Variants in ERC2 observed in about 807,000 individuals in gnomAD.
ERC2 encodes ERC protein 2.
A neutral mutation model predicts 114.8 loss-of-function variants in ERC2; 42 were observed. That is an observed-to-expected ratio of 0.37 (90% CI 0.29 to 0.47). ERC2 has a LOEUF of 0.47. Ranked by LOEUF, ERC2 falls within the 20% of genes least tolerant of loss-of-function variation. The pLI, the probability that ERC2 is intolerant of heterozygous loss-of-function variation, is 0.99. For synonymous variants in ERC2, 454 were observed against 425.5 expected (o/e 1.07, Z -0.82); for missense variants, 939 against 1,150.7 (o/e 0.82, Z 2.66).
chr3:55,669,010 C>A (rs1018977667), intron 17 of ERC2, among the ~76,000 whole-genome samples: 3 of 152,186 alleles, frequency 2.0e-5, no homozygotes, highest in Non-Finnish European at 4.4e-5. Flanking sequence ...TGTCTTCTTT[C>A]ATTTCTTTTC....
intron 14 of ERC2, among the ~76,000 whole-genome samples, chr3:55,844,691 T>C (rs1280858973): frequency 2.0e-5 from 3 of 152,178 alleles, no homozygotes; most frequent in African/African-American, 7.2e-5. Context: ...ATGCTATATC[T>C]CAATTTAAAA....
intron 3 of ERC2, among the ~76,000 whole-genome samples, chr3:56,292,081 G>A (rs575851377): frequency 5.9e-5 from 9 of 152,138 alleles, no homozygotes; most frequent in African/African-American, 1.7e-4. Flanking sequence ...AGCAAGTCAC[G>A]TAAGTTTGAG....
chr3:55,975,190 TAA>T (rs112414816), intron 12 of ERC2, among the ~76,000 whole-genome samples: 2 of 144,054 alleles, frequency 1.4e-5, no homozygotes, highest in African/African-American at 5.0e-5. Context: ...GGAGTTGCTA[TAA>T]AAAAAAAAAA....
At chr3:56,208,917 G>A (rs76503244) in intron 3 of ERC2, among the ~76,000 whole-genome samples, 1 of 152,118 alleles carries the variant, frequency 6.6e-6, no homozygotes, top group Non-Finnish European at 1.5e-5. Flanking sequence ...AACTCCCTTA[G>A]GAACTCAGGC....
intron 17 of ERC2, among the ~76,000 whole-genome samples, chr3:55,516,540 G>T (rs1242134893): frequency 6.6e-6 from 1 of 152,020 alleles, no homozygotes; most frequent in East Asian, 1.9e-4. Context: ...AAGGGCTGGG[G>T]GCTGGGATGG....
At chr3:55,990,388 T>G in intron 11 of ERC2, among the ~76,000 whole-genome samples, 1 of 152,316 alleles carries the variant, frequency 6.6e-6, no homozygotes. Flanking sequence ...TGTTGAAATT[T>G]TATTGGAAAT....
At chr3:56,396,767 G>A (rs1235793974) in intron 2 of ERC2, among the ~76,000 whole-genome samples, 1 of 151,798 alleles carries the variant, frequency 6.6e-6, no homozygotes, top group African/African-American at 2.4e-5. Flanking sequence ...TTTTTCAAAG[G>A]AGAACGGTCC....
intron 15 of ERC2, among the ~76,000 whole-genome samples, chr3:55,711,076 G>A (rs367960767): frequency 2.6e-5 from 4 of 152,270 alleles, no homozygotes; most frequent in Middle Eastern, 3.4e-3. Flanking sequence ...TTGGTTTTGC[G>A]TTCCAAAGTA....
At chr3:56,385,298 C>G (rs2106772812) in intron 2 of ERC2, among the ~76,000 whole-genome samples, 1 of 152,194 alleles carries the variant, frequency 6.6e-6, no homozygotes, top group Non-Finnish European at 1.5e-5. Flanking sequence ...TAGAAGAGGC[C>G]AAGCAGCAAT....
intron 14 of ERC2, among the ~76,000 whole-genome samples, chr3:55,820,543 G>A (rs2060083082): frequency 6.6e-6 from 1 of 152,130 alleles, no homozygotes; most frequent in Non-Finnish European, 1.5e-5. Flanking sequence ...ACCTTATTCT[G>A]AAAGCGTGTG....
chr3:56,326,803 T>C (rs2057381954), intron 2 of ERC2, among the ~76,000 whole-genome samples: 1 of 152,144 alleles, frequency 6.6e-6, no homozygotes, highest in Admixed American at 6.5e-5. Context: ...TGCCAGGCCA[T>C]GGTTAGGCAC....
intron 17 of ERC2, among the ~76,000 whole-genome samples, chr3:55,597,571 T>C (rs924549707): frequency 2.0e-5 from 3 of 152,192 alleles, no homozygotes; most frequent in African/African-American, 7.2e-5. Context: ...AGTCCGGTAG[T>C]TCTTCTCATT....
At chr3:56,242,380 G>A (rs910899491) in intron 3 of ERC2, among the ~76,000 whole-genome samples, 28 of 152,160 alleles carry the variant, frequency 1.8e-4, no homozygotes, top group African/African-American at 6.0e-4. Flanking sequence ...CTCAGGTGAC[G>A]GGTATACCAA....
At chr3:56,307,550 C>T (rs1261864594) in intron 2 of ERC2, among the ~76,000 whole-genome samples, 1 of 152,162 alleles carries the variant, frequency 6.6e-6, no homozygotes, top group Non-Finnish European at 1.5e-5. Flanking sequence ...TCTAGACAAG[C>T]CCTCAAGAAA....
chr3:56,151,227 C>A (rs888188099), intron 4 of ERC2, among the ~76,000 whole-genome samples: 1 of 152,100 alleles, frequency 6.6e-6, no homozygotes, highest in Non-Finnish European at 1.5e-5. Flanking sequence ...CCACCAAGTA[C>A]AACTAATTCT....
At chr3:55,849,530 T>A (rs2061490604) in intron 14 of ERC2, among the ~76,000 whole-genome samples, 1 of 152,144 alleles carries the variant, frequency 6.6e-6, no homozygotes, top group South Asian at 2.1e-4. Context: ...AGAATTCAAC[T>A]CCCTGCCTTC....
At chr3:55,634,689 A>G (rs902860924) in intron 17 of ERC2, among the ~76,000 whole-genome samples, 3 of 152,208 alleles carry the variant, frequency 2.0e-5, no homozygotes, top group Non-Finnish European at 4.4e-5. Flanking sequence ...CCTATTTCCA[A>G]TTAGAAACTC....
chr3:55,514,736 G>T (rs1468643609), intron 17 of ERC2, among the ~76,000 whole-genome samples: 2 of 152,204 alleles, frequency 1.3e-5, no homozygotes, highest in Non-Finnish European at 2.9e-5. Context: ...CTTGAAGGTG[G>T]ATGCTTCCTG....
intron 17 of ERC2, among the ~76,000 whole-genome samples, chr3:55,640,206 C>T (rs17055589): frequency 0.023 from 3,473 of 152,294 alleles, 129 homozygotes; most frequent in African/African-American, 0.078. Context: ...TTCCTGCTTC[C>T]TTGATAGCCC....
Sources: allele counts gnomAD v4.1 joint callset (sites outside exome capture counted in the v4.1 genomes callset), GRCh38; gene constraint gnomAD v4.1.1; transcripts MANE v1.5; gene names NCBI Gene and HGNC (gene_info 2026-07-23, HGNC 2026-07-21).